Variants in TMEM178B observed in about 807,000 individuals in gnomAD.
The protein encoded by TMEM178B is transmembrane protein 178B.
TMEM178B carries 5 observed loss-of-function variants against 31.0 expected under a neutral mutation model. The observed-to-expected ratio is 0.16, with a 90% CI of 0.08 to 0.34. TMEM178B has a LOEUF of 0.34. Ranked by LOEUF, TMEM178B falls within the 10% of genes least tolerant of loss-of-function variation. The pLI, the probability that TMEM178B is intolerant of heterozygous loss-of-function variation, is 1.00. For synonymous variants in TMEM178B, 164 were observed against 164.0 expected (o/e 1.00, Z 0.00); for missense variants, 275 against 400.3 (o/e 0.69, Z 2.67).
chr7:141,343,766 G>A (rs1432522474), intron 2 of TMEM178B, among the ~76,000 whole-genome samples: 1 of 152,090 alleles, frequency 6.6e-6, no homozygotes, highest in African/African-American at 2.4e-5. Context: ...AGCCAGGATG[G>A]TCTCAATCTC....
At chr7:141,209,880 TG>T (rs1208651934) in intron 1 of TMEM178B, among the ~76,000 whole-genome samples, 1 of 151,644 alleles carries the variant, frequency 6.6e-6, no homozygotes, top group Non-Finnish European at 1.5e-5. Context: ...CAGGGTAAGG[TG>T]GGAGGTTCAC....
chr7:141,077,297 G>A (rs555108611), intron 1 of TMEM178B, among the ~76,000 whole-genome samples: 4 of 152,304 alleles, frequency 2.6e-5, no homozygotes, highest in African/African-American at 2.4e-5. Flanking sequence ...TGGAAGATAT[G>A]TAATGGGCAA....
intron 1 of TMEM178B, among the ~76,000 whole-genome samples, chr7:141,182,569 G>A (rs879632993): frequency 2.6e-5 from 4 of 152,166 alleles, no homozygotes; most frequent in Admixed American, 2.0e-4. Flanking sequence ...TCACCTGGCC[G>A]GAAAGAATTA....
intron 2 of TMEM178B, among the ~76,000 whole-genome samples, chr7:141,220,055 C>T (rs1007624374): frequency 4.6e-5 from 7 of 152,244 alleles, no homozygotes; most frequent in East Asian, 3.9e-4. Context: ...CATGGTGTCT[C>T]GTGCCTGAAA....
At chr7:141,303,720 A>G (rs1798766639) in intron 2 of TMEM178B, among the ~76,000 whole-genome samples, 1 of 152,216 alleles carries the variant, frequency 6.6e-6, no homozygotes, top group Admixed American at 6.5e-5. Context: ...GATGGAGGCA[A>G]AGACATTGAA....
chr7:141,378,504 T>A (rs1374997998), intron 2 of TMEM178B, among the ~76,000 whole-genome samples: 1 of 152,212 alleles, frequency 6.6e-6, no homozygotes, highest in Non-Finnish European at 1.5e-5. Flanking sequence ...AATTTTTGGC[T>A]ACTTTTGAAA....
At chr7:141,230,837 A>C (rs1797430466) in intron 2 of TMEM178B, among the ~76,000 whole-genome samples, 1 of 152,116 alleles carries the variant, frequency 6.6e-6, no homozygotes, top group Non-Finnish European at 1.5e-5. Flanking sequence ...ATTACAAGAC[A>C]GCTCAGAGGT....
At chr7:141,506,527 T>C in the TMEM178B span, among the ~76,000 whole-genome samples, 1 of 152,130 alleles carries the variant, frequency 6.6e-6, no homozygotes, top group African/African-American at 2.4e-5. Context: ...ATCATGAGAA[T>C]AGCACAGGGA....
intron 1 of TMEM178B, among the ~76,000 whole-genome samples, chr7:141,200,251 T>TG (rs1796854048): frequency 1.3e-5 from 2 of 152,104 alleles, no homozygotes; most frequent in African/African-American, 4.8e-5. Context: ...GGCTTTCTAG[T>TG]GGGCCTGTCC....
intron 1 of TMEM178B, among the ~76,000 whole-genome samples, chr7:141,075,611 G>A (rs146721563): frequency 3.3e-5 from 5 of 152,324 alleles, no homozygotes; most frequent in East Asian, 1.9e-4. Context: ...GTTTGAATGT[G>A]TATTAAAACT....
chr7:141,443,143 A>G (rs1801692496), intron 3 of TMEM178B, among the ~76,000 whole-genome samples: 1 of 152,316 alleles, frequency 6.6e-6, no homozygotes, highest in East Asian at 1.9e-4. Context: ...TTTTTAGAAC[A>G]GTTTTAGATT....
At chr7:141,499,196 A>ATAAGATGG in the TMEM178B span, among the ~76,000 whole-genome samples, 2 of 152,146 alleles carry the variant, frequency 1.3e-5, no homozygotes, top group South Asian at 4.1e-4. Flanking sequence ...ATCTTTGTGG[A>ATAAGATGG]TAAGATGGTA....
At chr7:141,248,219 T>C (rs1180949603) in intron 2 of TMEM178B, among the ~76,000 whole-genome samples, 1 of 152,148 alleles carries the variant, frequency 6.6e-6, no homozygotes, top group Non-Finnish European at 1.5e-5. Flanking sequence ...GAGACAAGCC[T>C]GGCCAACATG....
the TMEM178B span, among the ~76,000 whole-genome samples, chr7:141,505,286 G>A: frequency 2.0e-5 from 3 of 152,244 alleles, no homozygotes; most frequent in African/African-American, 7.2e-5. Flanking sequence ...CTGTCGGGCT[G>A]TAAGCCCAAC....
At chr7:141,110,707 T>C (rs908476906) in intron 1 of TMEM178B, among the ~76,000 whole-genome samples, 3 of 152,220 alleles carry the variant, frequency 2.0e-5, no homozygotes, top group Admixed American at 6.5e-5. Context: ...GATACTGTTA[T>C]AGACTGAATG....
At chr7:141,466,840 T>G (rs986266108) in intron 3 of TMEM178B, among the ~76,000 whole-genome samples, 2 of 152,196 alleles carry the variant, frequency 1.3e-5, no homozygotes, top group Non-Finnish European at 2.9e-5. Context: ...TAGCATTACA[T>G]ATCTAATGAT....
At position 141,250,456 on chromosome 7, in the gene TMEM178B, G is replaced by A. The variant is rs6962023; in HGVS notation, c.496+37752G>A. Among the ~76,000 whole-genome samples the A allele has an allele frequency of 5.2e-3, 798 of 152,258 alleles. 9 individuals carry two copies. The highest frequency in any genetic ancestry group is 0.018 in the African/African-American group (760 of 41,518). On this transcript the variant is annotated intron_variant, in intron 2 of 3. Transcript: ENST00000565468. ...TCAGTGCTCATTTCCACTACAATAT[G>A]TCCTCTCCGTGTAATTGGGACAGGA... is the stretch of plus-strand genomic sequence containing the variant.
chr7:141,203,175 T>C (rs1486444794), intron 1 of TMEM178B, among the ~76,000 whole-genome samples: 1 of 152,262 alleles, frequency 6.6e-6, no homozygotes, highest in African/African-American at 2.4e-5. Context: ...AAATGCTCTT[T>C]AAAGAGGAGA....
At chr7:141,125,422 C>T (rs1490196305) in intron 1 of TMEM178B, among the ~76,000 whole-genome samples, 1 of 152,008 alleles carries the variant, frequency 6.6e-6, no homozygotes, top group Non-Finnish European at 1.5e-5. Context: ...GTGGCTCACA[C>T]CTGTAATCCC....
Sources: allele counts gnomAD v4.1 joint callset (sites outside exome capture counted in the v4.1 genomes callset), GRCh38; gene constraint gnomAD v4.1.1; transcripts MANE v1.5; gene names NCBI Gene and HGNC (gene_info 2026-07-23, HGNC 2026-07-21).